HCFC1: variants seen among roughly 807,000 people sequenced by gnomAD.
HCFC1 encodes host cell factor C1.
A neutral mutation model predicts 105.5 loss-of-function variants in HCFC1; 7 were observed. The observed-to-expected ratio is 0.07, with a 90% CI of 0.04 to 0.12. The LOEUF (loss-of-function observed/expected upper bound fraction) is 0.12, where lower values mean the gene tolerates loss of function less well. HCFC1 is among the 10% of genes least tolerant of loss of function. The pLI, the probability that HCFC1 is intolerant of heterozygous loss-of-function variation, is 1.00. For synonymous variants in HCFC1, 918 were observed against 828.1 expected (o/e 1.11, Z -1.86); for missense variants, 1,065 against 1,823.6 (o/e 0.58, Z 7.58).
At chrX:153,960,192 C>T (rs370918884) in intron 7 of HCFC1, 31 bp from the exon 8 acceptor site, 80 of 1,194,748 alleles carry the variant, frequency 6.7e-5, no homozygotes, top group East Asian at 9.0e-5. Context: ...TGAGAAGGGG[C>T]GGGAGGCTAT....
At position 153,959,878 on chromosome X, in the gene HCFC1, C is replaced by A; in HGVS notation, c.1368G>T (p.Pro456=). 1 of 1,194,867 alleles carries A rather than the reference C, an allele frequency of 8.4e-7. No individual in the cohort carries two copies. The highest frequency in any genetic ancestry group is 1.1e-6 in the Non-Finnish European group (1 of 885,094). The part of the protein sequence containing the change: ...TLLPQAAPAP[P]TTTTIQVLPT... ...GCAAGACCTGGATGGTGGTGGTGGT[C>A]GGGGGTGCGGGGGCAGCCTGGGGCA... The change falls in exon 8 of 26, where the codon CCG becomes CCT. Residue 456 remains proline (P), a synonymous_variant. Coordinates refer to ENST00000310441, the MANE Select transcript of HCFC1 (RefSeq NM_005334.3).
At chrX:153,957,120 C>T (rs1366660643) in intron 13 of HCFC1, 60 bp from the exon 14 acceptor site, 1 of 1,136,147 alleles carries the variant, frequency 8.8e-7, no homozygotes, top group Admixed American at 2.3e-5. Flanking sequence ...CCTGCTGCCC[C>T]TAGACTATAA....
chrX:153,952,232 C>T (rs1378400536), intron 19 of HCFC1, 74 bp from the exon 20 acceptor site: 2 of 1,079,423 alleles, frequency 1.9e-6, no homozygotes, highest in African/African-American at 1.9e-5. Flanking sequence ...CGGAGGCCCC[C>T]AAAGCCTGTC....
chrX:153,964,833 C>T (rs2065460268), intron 1 of HCFC1, 107 bp from the exon 2 acceptor site: 2 of 859,201 alleles, frequency 2.3e-6, no homozygotes, highest in Admixed American at 4.4e-5. Flanking sequence ...GAGCCAGCAC[C>T]ATCCCTGCGG....
At chrX:153,961,496 C>T in intron 6 of HCFC1, 46 bp downstream of exon 6, 3 of 944,737 alleles carry the variant, frequency 3.2e-6, no homozygotes, top group Non-Finnish European at 4.5e-6. Flanking sequence ...AAGGGCCAGC[C>T]TCCTGCAGCC....
chrX:153,955,624 A>C, intron 16 of HCFC1, 82 bp from the exon 17 acceptor site: 1 of 974,010 alleles, frequency 1.0e-6, no homozygotes, highest in Non-Finnish European at 1.4e-6. Context: ...CTGTCACCAC[A>C]CAGGCTGGGA....
At position 153,953,608 on chromosome X, in the gene HCFC1, G is replaced by C. The variant is rs782482058; in HGVS notation, c.4496C>G (p.Pro1499Arg). 5.8e-6 allele frequency: 7 copies of C among 1,208,247 alleles called. No homozygotes were observed. Among genetic ancestry groups the C allele is most frequent in the South Asian group, 3.5e-5 (2 of 56,889 alleles). The change falls in exon 18 of 26, where the codon CCG (proline) becomes CGG (arginine). Residue 1499 changes from proline to arginine, a missense_variant and splice_region_variant. By Grantham distance (103) the Pro-to-Arg change is moderately radical (BLOSUM62 -2). Transcript: ENST00000310441. The part of the protein sequence containing the change: ...QSTPVPGPSV[P>R]PPEELQVSPG... Reference sequence around the variant, plus strand: ...GAACACGGCCCCCTGGGCTCTTACCGGCACAGAGGGGCCCGGGACCGGTGT... The same window carrying C: ...GAACACGGCCCCCTGGGCTCTTACCCGCACAGAGGGGCCCGGGACCGGTGT...
intron 19 of HCFC1, 79 bp from the exon 20 acceptor site, chrX:153,952,237 C>A: frequency 2.8e-6 from 3 of 1,079,207 alleles, no homozygotes; most frequent in Non-Finnish European, 3.6e-6. Context: ...GCCCCCAAAG[C>A]CTGTCCTAGA....
rs1557114295 is a variant in HCFC1, at chrX:153,955,068, T to A, written c.3331A>T (p.Thr1111Ser). 1.7e-6 allele frequency: 2 copies of A among 1,210,740 alleles called. No homozygotes were observed. The highest frequency in any genetic ancestry group is 2.2e-6 in the Non-Finnish European group (2 of 895,052). ...QHGCSNPPCE[T>S]HETGTTNTAT... Reference sequence around the variant, plus strand: ...GTGTTGGTGGTGCCCGTCTCGTGGGTCTCGCAGGGTGGGTTTGAGCAGCCA... The same window carrying A: ...GTGTTGGTGGTGCCCGTCTCGTGGGACTCGCAGGGTGGGTTTGAGCAGCCA... Residue 1111 changes from threonine to serine, a missense_variant, in exon 17 of 26, where the codon ACC becomes TCC. By Grantham distance (58) the Thr-to-Ser change is moderately conservative. Coordinates refer to ENST00000310441, the MANE Select transcript of HCFC1 (RefSeq NM_005334.3).
rs1230771666 is a variant in HCFC1 at position 153,964,216 on chromosome X, T to C, written c.411A>G (p.Arg137=). 1.7e-6 allele frequency: 2 copies of C among 1,202,822 alleles called. No homozygotes were observed. Among genetic ancestry groups the C allele is most frequent in the Non-Finnish European group, 2.2e-6 (2 of 890,801 alleles). ...CCACAAGGGAGAAGCTGTGCCCGAG[T>C]CGAGGACACGGAGGGGGCCCGTTTT... The part of the protein sequence containing the change: ...TPKNGPPPCP[R]LGHSFSLVGN... The change falls in exon 3 of 26, where the codon CGA becomes CGG. Residue 137 remains arginine, a synonymous_variant. Coordinates refer to ENST00000310441, the MANE Select transcript of HCFC1 (RefSeq NM_005334.3).
rs1557114472 is a variant in HCFC1, at chrX:153,955,248, C to T, written c.3151G>A (p.Asp1051Asn). Reference sequence around the variant, plus strand: ...AGAGAAGCAGCTGCCTCCTGTCTGTCACAGACGAACTGCACTTGGGTGGGC... The same window carrying T: ...AGAGAAGCAGCTGCCTCCTGTCTGTTACAGACGAACTGCACTTGGGTGGGC... The part of the protein sequence containing the change: ...PQPTQVQFVC[D>N]RQEAAASLVT... The change falls in exon 17 of 26, where the codon GAC becomes AAC. Residue 1051 changes from aspartate to asparagine, a missense_variant. By Grantham distance (23) the Asp-to-Asn change is conservative (BLOSUM62 1). Coordinates refer to ENST00000310441, the MANE Select transcript of HCFC1 (RefSeq NM_005334.3). 1 of 1,211,551 alleles carries T rather than the reference C, an allele frequency of 8.3e-7. No individual in the cohort carries two copies.
chrX:153,949,646 G>A, intron 24 of HCFC1, 30 bp from the exon 25 acceptor site: 1 of 1,155,045 alleles, frequency 8.7e-7, no homozygotes, highest in South Asian at 1.8e-5. Context: ...TGCGTGAGCA[G>A]CATTGTGACA....
At position 153,951,740 on chromosome X, in the gene HCFC1, T is replaced by G. The variant is rs144179044; in HGVS notation, c.5261-33A>C. The G allele has an allele frequency of 6.6e-3, 7,751 of 1,181,937 alleles. 318 individuals carry two copies. In the African/African-American group the frequency reaches 0.12, roughly 18 times the overall value. ...GAAAGAAGGTGTCAGCGGGAAAGAC[T>G]CGGGAAACCTGGCTCCCAAGTGAGA... is the stretch of plus-strand genomic sequence containing the variant. On this transcript the variant is annotated intron_variant, in intron 20 of 25. Coordinates refer to ENST00000310441, the MANE Select transcript of HCFC1 (RefSeq NM_005334.3).
chrX:153,953,595 C>CG lies in HCFC1; in HGVS notation c.4497+11_4497+12insC, dbSNP rs2065337275. On this transcript the variant is annotated intron_variant, in intron 18 of 25. Coordinates refer to ENST00000310441, the MANE Select transcript of HCFC1 (RefSeq NM_005334.3). The stretch of plus-strand genomic sequence containing the variant: ...GGAAGGCGGGGAAGAACACGGCCCC[C>CG]TGGGCTCTTACCGGCACAGAGGGGC... The CG allele has an allele frequency of 1.7e-6, 2 of 1,205,973 alleles. No individual in the cohort carries two copies. The highest frequency in any genetic ancestry group is 2.2e-6 in the Non-Finnish European group (2 of 892,928).
At chrX:153,951,535 G>A (rs781796564) in intron 21 of HCFC1, 48 bp from the exon 22 acceptor site, 3 of 1,205,623 alleles carry the variant, frequency 2.5e-6, no homozygotes, top group South Asian at 3.5e-5. Context: ...AGCACCTAGA[G>A]GCAGTGCTGC....
intron 5 of HCFC1, 58 bp from the exon 6 acceptor site, chrX:153,961,706 C>G: frequency 5.8e-6 from 5 of 857,699 alleles, no homozygotes; most frequent in Non-Finnish European, 8.5e-6. Flanking sequence ...AAGCTAGAGG[C>G]CACCTCTGCT....
Position 153,949,665 on chromosome X carries a change from G to C in HCFC1, c.6005-49C>G, listed in dbSNP as rs186558658. On this transcript the variant is annotated intron_variant, in intron 24 of 25. Coordinates refer to ENST00000310441, the MANE Select transcript of HCFC1 (RefSeq NM_005334.3). ...TGAGCAGCATTGTGACAGAACGAGAGCAAGGAACACATGCGCCCTGCCCGC... is the reference window on the plus strand; with the variant it reads ...TGAGCAGCATTGTGACAGAACGAGACCAAGGAACACATGCGCCCTGCCCGC... The C allele has an allele frequency of 7.4e-6, 8 of 1,075,483 alleles. No homozygotes were observed. The East Asian group carries it at 2.4e-4, about 32-fold the overall frequency. The allele number at this position is 1,075,483 out of a possible 1,213,427, so 88.6% of individuals were successfully genotyped here.
intron 2 of HCFC1, 28 bp from the exon 3 acceptor site, chrX:153,964,312 C>G: frequency 8.8e-7 from 1 of 1,141,936 alleles, no homozygotes; most frequent in Non-Finnish European, 1.2e-6. Flanking sequence ...GGAGACTGAA[C>G]CGTGGGATGA....
Position 153,957,935 on chromosome X carries a change from G to A in HCFC1, c.2029-49C>T, listed in dbSNP as rs3027889. 0.016 allele frequency: 18,330 copies of A among 1,147,940 alleles called. 1,128 individuals carry two copies. The African/African-American group carries it at 0.23, about 14-fold the overall frequency. The allele number at this position is 1,147,940 out of a possible 1,213,427, so 94.6% of individuals were successfully genotyped here. A position where few individuals can be genotyped will look rare whatever the true frequency, so the allele number is the denominator to read the frequency against. ...GGAGTGATCTGGAAACCAAACAAGG[G>A]CATGGCCTGGCTGAGACTCTCCTGG... On this transcript the variant is annotated intron_variant, in intron 11 of 25. Coordinates refer to ENST00000310441, the MANE Select transcript of HCFC1 (RefSeq NM_005334.3).
Sources: allele counts gnomAD v4.1 joint callset, GRCh38; gene constraint gnomAD v4.1.1; transcripts MANE v1.5; gene names NCBI Gene and HGNC (gene_info 2026-07-23, HGNC 2026-07-21).